The following PCDHA7 variants were observed in gnomAD, a reference collection of about 807,000 sequenced individuals.
PCDHA7 encodes the protein protocadherin alpha-7.
In PCDHA7, 37 loss-of-function variants were observed where a neutral mutation model predicts 57.2. The observed-to-expected ratio is 0.65, with a 90% CI of 0.50 to 0.85. The LOEUF is 0.85. Among genes scored for constraint, PCDHA7 ranks in the 40% least tolerant of loss-of-function variants. The probability of loss-of-function intolerance (pLI) is 0.00; values close to 1 mark genes in which losing one functional copy is unlikely to be tolerated. For missense variants in PCDHA7, 1,188 were observed against 1,241.8 expected, an observed-to-expected ratio of 0.96 and a Z score of 0.65; for synonymous variants, 553 against 558.8, an observed-to-expected ratio of 0.99 and a Z score of 0.15.
chr5:140,869,403 G>C, intron 1 of PCDHA7: 3 of 1,614,206 alleles, frequency 1.9e-6, no homozygotes, highest in Non-Finnish European at 2.5e-6. Flanking sequence ...GGCAGAGCGC[G>C]GAGTGCAGCA....
At chr5:140,875,953 G>T (rs782793293) in intron 1 of PCDHA7, 1 of 1,614,066 alleles carries the variant, frequency 6.2e-7, no homozygotes, top group African/African-American at 1.3e-5. Context: ...TTCTGATGCG[G>T]ATATCGGCGT....
Position 140,835,834 on chromosome 5 carries a change from C to G in PCDHA7, c.1451C>G (p.Ala484Gly). Residue 484 changes from alanine (A) to glycine (G), a missense_variant, in exon 1 of 4, where the codon GCG becomes GGG. Ala to Gly is a moderately conservative substitution (Grantham distance 60). Transcript: ENST00000525929. Reference sequence around the variant, plus strand: ...ACTGTGTCGGCGGGGGACGCGGACGCGCAGAAGAACGCGCTGGTGTCCTAC... The same window carrying G: ...ACTGTGTCGGCGGGGGACGCGGACGGGCAGAAGAACGCGCTGGTGTCCTAC... ...IFTVSAGDAD[A>G]QKNALVSYSL... 1.2e-6 allele frequency: 2 copies of G among 1,612,284 alleles called. No homozygotes were observed. Among genetic ancestry groups the G allele is most frequent in the Non-Finnish European group, 1.7e-6 (2 of 1,179,644 alleles).
chr5:140,910,055 T>A (rs1554194090), intron 1 of PCDHA7, among the ~76,000 whole-genome samples: 1 of 152,218 alleles, frequency 6.6e-6, no homozygotes, highest in Non-Finnish European at 1.5e-5. Flanking sequence ...TAATAAGTGA[T>A]CTTTTAACAG....
chr5:140,955,956 G>C (rs2095241724), intron 1 of PCDHA7, among the ~76,000 whole-genome samples: 1 of 152,050 alleles, frequency 6.6e-6, no homozygotes, highest in Admixed American at 6.6e-5. Flanking sequence ...CTTGCTTGTT[G>C]TTTGTGCATA....
At chr5:140,936,552 T>C (rs1408956922) in intron 1 of PCDHA7, among the ~76,000 whole-genome samples, 5 of 152,234 alleles carry the variant, frequency 3.3e-5, no homozygotes, top group Admixed American at 3.3e-4. Flanking sequence ...AATGTAGAAG[T>C]CAAGATTTAT....
At chr5:140,912,494 A>T (rs536513157) in intron 1 of PCDHA7, among the ~76,000 whole-genome samples, 1 of 152,190 alleles carries the variant, frequency 6.6e-6, no homozygotes, top group South Asian at 2.1e-4. Context: ...CAGATCTAGG[A>T]GCTTTTTGGA....
intron 1 of PCDHA7, among the ~76,000 whole-genome samples, chr5:140,946,879 G>A (rs246051): frequency 0.56 from 84,931 of 150,730 alleles, 24,535 homozygotes; most frequent in African/African-American, 0.69. Flanking sequence ...CAATGGGTAC[G>A]AAGTTACAAT....
intron 1 of PCDHA7, chr5:140,865,192 A>C (rs1306002523): frequency 3.9e-5 from 6 of 152,218 alleles, no homozygotes; most frequent in Non-Finnish European, 8.8e-5. Flanking sequence ...CCTTCACACC[A>C]TATTAATGTG....
At chr5:140,871,122 G>A (rs782184692) in intron 1 of PCDHA7, 2 of 1,613,344 alleles carry the variant, frequency 1.2e-6, no homozygotes, top group South Asian at 2.2e-5. Flanking sequence ...AGAGCGGACA[G>A]GCGCCAAAGG....
intron 3 of PCDHA7, among the ~76,000 whole-genome samples, chr5:140,992,926 A>C (rs2097533873): frequency 6.6e-6 from 1 of 152,226 alleles, no homozygotes; most frequent in African/African-American, 2.4e-5. Context: ...CCATACTTAC[A>C]GCAGCTCTGA....
At chr5:141,001,896 C>T (rs2098042458) in intron 3 of PCDHA7, among the ~76,000 whole-genome samples, 1 of 152,142 alleles carries the variant, frequency 6.6e-6, no homozygotes, top group Admixed American at 6.5e-5. Flanking sequence ...GAAATCGGGG[C>T]TGTTTGAAAA....
At position 141,009,870 on chromosome 5, in the gene PCDHA7, A is replaced by G. The variant is rs1554262513; in HGVS notation, c.2747A>G (p.Lys916Arg). 1.9e-6 allele frequency: 3 copies of G among 1,614,114 alleles called. No homozygotes were observed. Among genetic ancestry groups the G allele is most frequent in the South Asian group, 2.2e-5 (2 of 91,074 alleles). ...GAGACCAAGAAAAAGAAGAAAAAGA[A>G]GAAGGGTAACAAGACCCAGGAGAAA... ...KEETKKKKKK[K>R]KGNKTQEKKE... The change falls in exon 4 of 4, where the codon AAG (lysine) becomes AGG (arginine). Residue 916 changes from lysine to arginine, a missense_variant. Physicochemically the swap from Lys to Arg is conservative, Grantham distance 26. This residue lies in a region of PCDHA7 where 892 missense variants were observed against 788.5 expected (regional missense o/e 1.13). Coordinates refer to ENST00000525929, the MANE Select transcript of PCDHA7 (RefSeq NM_018910.3).
At chr5:140,881,074 A>G (rs1416572917) in intron 1 of PCDHA7, among the ~76,000 whole-genome samples, 1 of 152,200 alleles carries the variant, frequency 6.6e-6, no homozygotes, top group African/African-American at 2.4e-5. Context: ...TAATTATTGG[A>G]GCTATGATAT....
At chr5:140,961,345 C>T (rs1440791542) in intron 1 of PCDHA7, among the ~76,000 whole-genome samples, 1 of 152,136 alleles carries the variant, frequency 6.6e-6, no homozygotes, top group Non-Finnish European at 1.5e-5. Context: ...AGAGTGGATC[C>T]CTGTAGTCCC....
At chr5:140,877,894 G>C (rs1186724493) in intron 1 of PCDHA7, 21 of 1,447,492 alleles carry the variant, frequency 1.5e-5, no homozygotes, top group African/African-American at 2.9e-5. Flanking sequence ...CTTCCGTTTA[G>C]GTTATAACTA....
chr5:140,872,203 T>C (rs2053540668), intron 1 of PCDHA7, among the ~76,000 whole-genome samples: 1 of 152,208 alleles, frequency 6.6e-6, no homozygotes, highest in Non-Finnish European at 1.5e-5. Context: ...CATCATAAAT[T>C]CATTATATAT....
rs2150230722 is a variant in PCDHA7, at chr5:140,835,093, A to T, written c.710A>T (p.Asp237Val). Residue 237 changes from aspartate (D) to valine (V), a missense_variant, in exon 1 of 4, where the codon GAC becomes GTC. Asp to Val is a radical substitution (Grantham distance 152). Around this residue, in one of 3 missense-constraint regions of PCDHA7, gnomAD observed 102 missense variants for 267.4 expected, o/e 0.38. Coordinates refer to ENST00000525929, the MANE Select transcript of PCDHA7 (RefSeq NM_018910.3). ...QLLITVLDNN[D>V]NAPVFDRTLY... The stretch of plus-strand genomic sequence containing the variant: ...CTCATCACGGTACTGGACAACAATG[A>T]CAATGCCCCAGTGTTCGACAGAACC... 8.1e-7 allele frequency: 1 copy of T among 1,240,950 alleles called. No individual in the cohort carries two copies. Among genetic ancestry groups the T allele is most frequent in the East Asian group, 2.6e-5 (1 of 38,594 alleles). 76.9% of individuals were successfully genotyped at this position (1,240,950 alleles called of 1,614,324 possible).
In PCDHA7 at chr5:141,010,289, C is replaced by G. The variant is rs2098416832; in HGVS notation, c.*352C>G. The G allele has an allele frequency of 4.5e-6, 7 of 1,550,274 alleles. No homozygotes were observed. The highest frequency in any genetic ancestry group is 3.9e-5 in the Admixed American group (2 of 50,654). ...GGGGATCCTGTCTTGATGACACTTG[C>G]AGGGCAGGCTGAAAAGTTTTGAGAT... On this transcript the variant is annotated 3_prime_UTR_variant, in exon 4 of 4. Transcript: ENST00000525929.
rs1200776013 is a variant in PCDHA7, at chr5:140,836,933, T to G, written c.2355+195T>G. On this transcript the variant is annotated intron_variant, in intron 1 of 3. Transcript: ENST00000525929. ...ACTTTTGTTTTGGGATGCGTAATAC[T>G]ATAGATCAAAATCTATGGTTTATGT... is the stretch of plus-strand genomic sequence containing the variant. 4 of 481,968 alleles carry G rather than the reference T, an allele frequency of 8.3e-6. 1 individual carries two copies. The highest frequency in any genetic ancestry group is 1.4e-5 in the Non-Finnish European group (4 of 282,424). The allele number at this position is 481,968 out of a possible 1,614,324, so 29.9% of individuals were successfully genotyped here. A position where few individuals can be genotyped will look rare whatever the true frequency, so the allele number is the denominator to read the frequency against.
Sources: allele counts gnomAD v4.1 joint callset (sites outside exome capture counted in the v4.1 genomes callset), GRCh38; gene constraint gnomAD v4.1.1; regional missense constraint gnomAD v4.1.1; transcripts MANE v1.5; gene names NCBI Gene and HGNC (gene_info 2026-07-23, HGNC 2026-07-21).